PRRX1: variants seen among roughly 807,000 people sequenced by gnomAD.
PRRX1 encodes paired related homeobox 1.
PRRX1 carries 8 observed loss-of-function variants against 24.0 expected under a neutral mutation model. That is an observed-to-expected ratio of 0.33 (90% CI 0.20 to 0.60). The LOEUF (loss-of-function observed/expected upper bound fraction) is 0.60. PRRX1 is among the 20% of genes least tolerant of loss of function. The pLI, the probability that PRRX1 is intolerant of heterozygous loss-of-function variation, is 0.82. For missense variants in PRRX1, 281 were observed against 322.4 expected (o/e 0.87, Z 0.98); for synonymous variants, 160 against 131.7 (o/e 1.22, Z -1.47).
At chr1:170,668,595 A>G (rs1424100389) in intron 1 of PRRX1, 1 of 152,148 alleles carries the variant, frequency 6.6e-6, no homozygotes, top group African/African-American at 2.4e-5. Context: ...AGCGCAAAGG[A>G]ATTGCTTGCC....
intron 1 of PRRX1, among the ~76,000 whole-genome samples, chr1:170,675,336 G>C (rs1172373059): frequency 6.6e-6 from 1 of 152,102 alleles, no homozygotes; most frequent in Non-Finnish European, 1.5e-5. Context: ...GAGAACTACT[G>C]CTCCAAAAAT....
intron 3 of PRRX1, chr1:170,726,786 G>A (rs1161435160): frequency 6.1e-6 from 1 of 164,876 alleles, no homozygotes; most frequent in Non-Finnish European, 1.3e-5. Flanking sequence ...CAAATGTAGG[G>A]ACGTAACTTG....
intron 3 of PRRX1, chr1:170,726,812 A>G (rs1443461062): frequency 6.4e-6 from 1 of 156,838 alleles, no homozygotes; most frequent in Non-Finnish European, 1.4e-5. Flanking sequence ...CTCCAAGTAT[A>G]GGGCCAAAGG....
At chr1:170,705,955 C>T (rs1227725935) in intron 1 of PRRX1, among the ~76,000 whole-genome samples, 1 of 151,682 alleles carries the variant, frequency 6.6e-6, no homozygotes, top group Admixed American at 6.6e-5. Context: ...CACACACACA[C>T]ACACACACAC....
At chr1:170,693,111 G>A (rs1654048205) in intron 1 of PRRX1, among the ~76,000 whole-genome samples, 1 of 152,048 alleles carries the variant, frequency 6.6e-6, no homozygotes, top group African/African-American at 2.4e-5. Flanking sequence ...ACTGCAATGT[G>A]TGCTGTTAAT....
At chr1:170,727,834 T>A (rs978070751) in intron 3 of PRRX1, 1 of 152,216 alleles carries the variant, frequency 6.6e-6, no homozygotes, top group Non-Finnish European at 1.5e-5. Flanking sequence ...GTGTGCCCTA[T>A]TTTAAATTTA....
chr1:170,696,954 A>C (rs1407825150), intron 1 of PRRX1, among the ~76,000 whole-genome samples: 1 of 152,196 alleles, frequency 6.6e-6, no homozygotes, highest in African/African-American at 2.4e-5. Context: ...AAATAAAACT[A>C]TCCAAACTCC....
chr1:170,689,150 G>A (rs2101896574), intron 1 of PRRX1, among the ~76,000 whole-genome samples: 1 of 152,040 alleles, frequency 6.6e-6, no homozygotes, highest in Admixed American at 6.6e-5. Flanking sequence ...CAGTAATAGA[G>A]GACCTTTATT....
At chr1:170,704,610 GT>G (rs1258976700) in intron 1 of PRRX1, among the ~76,000 whole-genome samples, 10 of 152,190 alleles carry the variant, frequency 6.6e-5, no homozygotes, top group African/African-American at 2.4e-4. Context: ...TGGAAAGTTG[GT>G]GTCATACATC....
rs531904157 is a variant in PRRX1 at position 170,737,756 on chromosome 1, A to G, written c.*1570A>G. 80 of 221,330 alleles carry G rather than the reference A, an allele frequency of 3.6e-4. No homozygotes were observed. Among genetic ancestry groups the G allele is most frequent in the African/African-American group, 1.7e-3 (75 of 44,770 alleles). 13.7% of individuals were successfully genotyped at this position (221,330 alleles called of 1,614,324 possible). On this transcript the variant is annotated 3_prime_UTR_variant, in exon 4 of 4. Coordinates refer to ENST00000239461, the MANE Select transcript of PRRX1 (RefSeq NM_022716.4). ...CCAGGTGGACTTGACCAACTACATT[A>G]CCATGCTGTGCCTCAGTTTACCCAT...
chr1:170,689,432 G>C (rs1288652784), intron 1 of PRRX1, among the ~76,000 whole-genome samples: 1 of 152,094 alleles, frequency 6.6e-6, no homozygotes, highest in Non-Finnish European at 1.5e-5. Context: ...AGTTGATTTA[G>C]TAGAAAAGGT....
In PRRX1 at chr1:170,664,267, G is replaced by C; in HGVS notation, c.49G>C (p.Gly17Arg). 1 of 1,612,912 alleles carries C rather than the reference G, an allele frequency of 6.2e-7. No individual in the cohort carries two copies. Among genetic ancestry groups the C allele is most frequent in the Middle Eastern group, 1.6e-4 (1 of 6,062 alleles). ...TCTGGAGCGGCAACCGGCGCTGGGCGGCCGCTTGGACAGCCCGGGCAACCT... is the reference window on the plus strand; with the variant it reads ...TCTGGAGCGGCAACCGGCGCTGGGCCGCCGCTTGGACAGCCCGGGCAACCT... ...HVLERQPALGGRLDSPGNLDT... is the reference protein window; with the variant it reads ...HVLERQPALGRRLDSPGNLDT... The change falls in exon 1 of 4, where the codon GGC becomes CGC. Residue 17 changes from glycine to arginine, a missense_variant. Physicochemically the swap from Gly to Arg is moderately radical, Grantham distance 125. Coordinates refer to ENST00000239461, the MANE Select transcript of PRRX1 (RefSeq NM_022716.4).
chr1:170,663,215 A>AG (rs1392861379), upstream of PRRX1: 1 of 152,320 alleles, frequency 6.6e-6, no homozygotes, highest in East Asian at 1.9e-4. Context: ...TGATGGAGAA[A>AG]GGGGGTCTGT....
intron 1 of PRRX1, among the ~76,000 whole-genome samples, chr1:170,671,938 G>T (rs900243735): frequency 6.6e-6 from 1 of 152,172 alleles, no homozygotes; most frequent in Non-Finnish European, 1.5e-5. Context: ...TGGAGAAGTG[G>T]CTGGTATTAG....
chr1:170,691,441 A>ATTTCCTTTCCTTTCCTTTCC lies in PRRX1; in HGVS notation c.241+27035_241+27054dup, dbSNP rs60341193. On this transcript the variant is annotated intron_variant, in intron 1 of 3. Coordinates refer to ENST00000239461, the MANE Select transcript of PRRX1 (RefSeq NM_022716.4). ...TTCCCTTTTCCTTCCCTTTCCTTCC[A>ATTTCCTTTCCTTTCCTTTCC]TTTCCTTTCCTTTCCTTTCCTTTCC... Among the ~76,000 whole-genome samples, 49 of 71,780 alleles carry ATTTCCTTTCCTTTCCTTTCC rather than the reference A, an allele frequency of 6.8e-4. 1 individual carries two copies. Among genetic ancestry groups the ATTTCCTTTCCTTTCCTTTCC allele is most frequent in the South Asian group, 2.3e-3 (4 of 1,766 alleles). The allele number at this position is 71,780 out of a possible 152,430, so 47.1% of individuals were successfully genotyped here. A position where few individuals can be genotyped will look rare whatever the true frequency, so the allele number is the denominator to read the frequency against.
intron 1 of PRRX1, among the ~76,000 whole-genome samples, chr1:170,665,350 A>G (rs947199584): frequency 7.9e-5 from 12 of 152,302 alleles, no homozygotes; most frequent in Middle Eastern, 3.4e-3. Flanking sequence ...TCGCTTCGCT[A>G]GTGCCTTAAA....
intron 1 of PRRX1, among the ~76,000 whole-genome samples, chr1:170,682,061 T>C (rs1006671397): frequency 1.3e-5 from 2 of 151,840 alleles, no homozygotes; most frequent in African/African-American, 4.9e-5. Context: ...GATTGGTGGA[T>C]GGGTGATACA....
chr1:170,701,141 T>G (rs1654344559), intron 1 of PRRX1, among the ~76,000 whole-genome samples: 1 of 152,230 alleles, frequency 6.6e-6, no homozygotes, highest in Admixed American at 6.5e-5. Flanking sequence ...GTGCAATTAG[T>G]TCCTCTTCTT....
At position 170,726,328 on chromosome 1, in the gene PRRX1, G is replaced by C. The variant is rs747220791; in HGVS notation, c.526G>C (p.Glu176Gln). Residue 176 changes from glutamate to glutamine, a missense_variant, in exon 3 of 4, where the codon GAG becomes CAG. By Grantham distance (29) the Glu-to-Gln change is conservative. Transcript: ENST00000239461. ...KSYSGDVTAV[E>Q]QPIVPRPAPR... ...CTACTCAGGAGACGTGACTGCTGTG[G>C]AGCAGCCCATCGTACCTCGTCCTGC... 1.2e-6 allele frequency: 2 copies of C among 1,614,014 alleles called. No homozygotes were observed. The highest frequency in any genetic ancestry group is 8.5e-7 in the Non-Finnish European group (1 of 1,179,984).
Sources: allele counts gnomAD v4.1 joint callset (sites outside exome capture counted in the v4.1 genomes callset), GRCh38; gene constraint gnomAD v4.1.1; transcripts MANE v1.5; gene names NCBI Gene and HGNC (gene_info 2026-07-23, HGNC 2026-07-21).